The following CCDC171 variants were observed in gnomAD, a reference collection of about 807,000 sequenced individuals.
CCDC171 encodes coiled-coil domain-containing protein 171.
CCDC171 carries 177 observed loss-of-function variants against 168.2 expected under a neutral mutation model. The observed-to-expected ratio is 1.05, with a 90% confidence interval of 0.93 to 1.19. The LOEUF (loss-of-function observed/expected upper bound fraction) is 1.19. Among genes scored for constraint, CCDC171 ranks in the 50% most tolerant of loss-of-function variants. The pLI, the probability that CCDC171 is intolerant of heterozygous loss-of-function variation, is 0.00. For missense variants in CCDC171, 1,991 were observed against 1,539.0 expected (o/e 1.29, Z -4.91); for synonymous variants, 687 against 540.8 (o/e 1.27, Z -3.75).
At chr9:15,940,823 A>G (rs557503664) in intron 25 of CCDC171, among the ~76,000 whole-genome samples, 2 of 151,996 alleles carry the variant, frequency 1.3e-5, no homozygotes, top group South Asian at 4.2e-4. Flanking sequence ...AGAGTTCAAG[A>G]ACAACCAAGG....
intron 1 of CCDC171, among the ~76,000 whole-genome samples, chr9:16,056,433 C>G (rs1338560975): frequency 6.6e-6 from 1 of 152,170 alleles, no homozygotes; most frequent in Admixed American, 6.5e-5. Context: ...ATTCAAGTAG[C>G]CACACGAGCC....
intron 3 of CCDC171, among the ~76,000 whole-genome samples, chr9:15,995,082 C>G (rs1832329783): frequency 6.6e-6 from 1 of 152,178 alleles, no homozygotes; most frequent in African/African-American, 2.4e-5. Flanking sequence ...TGCTAAACTC[C>G]TTTTGAAAAC....
At chr9:15,910,203 A>G (rs1035239491) in intron 24 of CCDC171, among the ~76,000 whole-genome samples, 19 of 148,490 alleles carry the variant, frequency 1.3e-4, no homozygotes, top group African/African-American at 4.7e-4. Context: ...CACACACACC[A>G]TATTTTCTTT....
At position 15,572,561 on chromosome 9, in the gene CCDC171, A is replaced by G. The variant is rs147028650; in HGVS notation, c.177+802A>G. ...ATTTGGAAAGTGCTTGTGTACTGTA[A>G]TAGCTGTAATTTATTGACAGTTAAG... is the stretch of plus-strand genomic sequence containing the variant. On this transcript the variant is annotated intron_variant, in intron 3 of 25. Coordinates refer to ENST00000380701, the MANE Select transcript of CCDC171 (RefSeq NM_173550.4). Among the ~76,000 whole-genome samples, 55 of 152,294 alleles carry G rather than the reference A, an allele frequency of 3.6e-4. 1 individual carries two copies. In the East Asian group the frequency reaches 0.01, roughly 28 times the overall value.
rs1491415268 is a variant in CCDC171, at chr9:15,677,927, A to ATATATATATATATAT, written c.1077-831_1077-830insTATATATATATATAT. 4.4e-4 allele frequency among the ~76,000 whole-genome samples: 13 copies of ATATATATATATATAT among 29,286 alleles called. 2 individuals carry two copies. The highest frequency in any genetic ancestry group is 1.0e-3 in the African/African-American group (6 of 5,846). The allele number at this position is 29,286 out of a possible 152,430, so 19.2% of individuals were successfully genotyped here. A position where few individuals can be genotyped will look rare whatever the true frequency, so the allele number is the denominator to read the frequency against. The stretch of plus-strand genomic sequence containing the variant: ...ATATATATATATATATATATATATA[A>ATATATATATATATAT]GAGATGTGGTCTCATTCTGTTACCT... On this transcript the variant is annotated intron_variant, in intron 9 of 25. Transcript: ENST00000380701.
intron 25 of CCDC171, among the ~76,000 whole-genome samples, chr9:15,968,125 A>C (rs866486022): frequency 6.6e-6 from 1 of 152,224 alleles, no homozygotes; most frequent in African/African-American, 2.4e-5. Context: ...CTGATGGACT[A>C]TAGCAGTTCA....
At chr9:15,782,143 T>C (rs2057698833) in intron 20 of CCDC171, among the ~76,000 whole-genome samples, 1 of 152,218 alleles carries the variant, frequency 6.6e-6, no homozygotes, top group South Asian at 2.1e-4. Flanking sequence ...TGTCTCTCGC[T>C]CATTTCAGAA....
intron 3 of CCDC171, among the ~76,000 whole-genome samples, chr9:15,980,276 A>G (rs1831750628): frequency 6.6e-6 from 1 of 152,198 alleles, no homozygotes; most frequent in African/African-American, 2.4e-5. Flanking sequence ...CTGCCCCCGA[A>G]TTCAAACAAC....
intron 3 of CCDC171, among the ~76,000 whole-genome samples, chr9:15,983,817 A>T (rs2987015): frequency 0.5 from 70,744 of 142,662 alleles, 18,385 homozygotes; most frequent in African/African-American, 0.68. Flanking sequence ...AAATAAAGAG[A>T]GTGTGTGTGT....
At chr9:16,094,137 A>T in the CCDC171 span, among the ~76,000 whole-genome samples, 1 of 152,150 alleles carries the variant, frequency 6.6e-6, no homozygotes, top group Non-Finnish European at 1.5e-5. Context: ...GGGGTGCATA[A>T]ATGAGTACAG....
chr9:15,785,307 C>G (rs1008806935), intron 21 of CCDC171, among the ~76,000 whole-genome samples: 3 of 151,984 alleles, frequency 2.0e-5, no homozygotes, highest in Non-Finnish European at 2.9e-5. Context: ...GTGGATTTTT[C>G]ACTAGTGAGA....
At chr9:15,740,714 A>C (rs1386544918) in intron 16 of CCDC171, among the ~76,000 whole-genome samples, 1 of 152,204 alleles carries the variant, frequency 6.6e-6, no homozygotes, top group Non-Finnish European at 1.5e-5. Context: ...TGCTGGGATT[A>C]CAGGCATGAG....
chr9:15,697,042 C>T (rs146767534), intron 11 of CCDC171, among the ~76,000 whole-genome samples: 11 of 152,272 alleles, frequency 7.2e-5, no homozygotes, highest in African/African-American at 2.6e-4. Context: ...TTGCTGTGTG[C>T]CTTGGGAGGC....
intron 16 of CCDC171, among the ~76,000 whole-genome samples, chr9:15,737,425 G>C (rs2054568382): frequency 6.6e-6 from 1 of 152,140 alleles, no homozygotes; most frequent in Non-Finnish European, 1.5e-5. Flanking sequence ...GAGGAGACTG[G>C]AGCCAACCTG....
chr9:15,950,942 A>G (rs1162697122), intron 25 of CCDC171, among the ~76,000 whole-genome samples: 1 of 151,642 alleles, frequency 6.6e-6, no homozygotes, highest in African/African-American at 2.4e-5. Flanking sequence ...TACCAAGCAA[A>G]TGGAAAACAA....
In CCDC171 at chr9:15,934,359, C is replaced by T. The variant is rs1469112913; in HGVS notation, c.3753+13937C>T. Among the ~76,000 whole-genome samples, 4 of 138,522 alleles carry T rather than the reference C, an allele frequency of 2.9e-5. No homozygotes were observed. In the East Asian group the frequency reaches 8.3e-4, roughly 29 times the overall value. 90.9% of individuals were successfully genotyped at this position (138,522 alleles called of 152,430 possible). On this transcript the variant is annotated intron_variant, in intron 25 of 25. Transcript: ENST00000380701. ...GAGCTATGATCATGCCACTGCACTC[C>T]AGCCTGGGCAACAGTGTGAGACCCT...
At chr9:16,044,199 G>A (rs1248128502) in intron 1 of CCDC171, among the ~76,000 whole-genome samples, 1 of 152,148 alleles carries the variant, frequency 6.6e-6, no homozygotes, top group Non-Finnish European at 1.5e-5. Context: ...GGTAGTGAAG[G>A]GGATCAAGCA....
chr9:15,729,079 G>A (rs983794305), intron 15 of CCDC171, among the ~76,000 whole-genome samples: 2 of 152,056 alleles, frequency 1.3e-5, no homozygotes, highest in Admixed American at 1.3e-4. Flanking sequence ...AAATGAATGT[G>A]TTTTAACCCT....
chr9:15,861,887 T>C (rs770191), intron 23 of CCDC171, among the ~76,000 whole-genome samples: 62,662 of 151,762 alleles, frequency 0.41, 13,153 homozygotes, highest in Admixed American at 0.44. Flanking sequence ...TTATTTCTAC[T>C]TGAAGAACTG....
Sources: gnomAD v4.1 joint callset for allele counts (sites outside exome capture counted in the v4.1 genomes callset) on GRCh38, gnomAD v4.1.1 for gene constraint, MANE v1.5 for transcripts, NCBI Gene and HGNC (gene_info 2026-07-23, HGNC 2026-07-21) for gene names.